The following ITPRID1 variants were observed in gnomAD, a reference collection of about 807,000 sequenced individuals.
The protein encoded by ITPRID1 is ITPR interacting domain containing 1, also known as protein ITPRID1.
In ITPRID1, 96 loss-of-function variants were observed where a neutral mutation model predicts 95.4. The observed-to-expected ratio is 1.01, with a 90% confidence interval of 0.85 to 1.19. ITPRID1 has a LOEUF of 1.19. Among genes scored for constraint, ITPRID1 ranks in the 50% most tolerant of loss-of-function variants. ITPRID1 has a pLI of 0.00. For missense variants in ITPRID1, 1,339 were observed against 1,252.9 expected, an observed-to-expected ratio of 1.07 and a Z score of -1.04; for synonymous variants, 510 against 453.6, an observed-to-expected ratio of 1.12 and a Z score of -1.58.
chr7:31,551,364 A>T (rs1784280351), intron 2 of ITPRID1, among the ~76,000 whole-genome samples: 1 of 143,908 alleles, frequency 6.9e-6, no homozygotes, highest in Non-Finnish European at 1.6e-5. Context: ...ATTCTAGTAT[A>T]CCAAACAATT....
chr7:31,611,959 T>C (rs1234649439), intron 10 of ITPRID1, among the ~76,000 whole-genome samples: 1 of 152,036 alleles, frequency 6.6e-6, no homozygotes, highest in East Asian at 1.9e-4. Context: ...TTTTCTCTTC[T>C]CTTTCTGGGA....
intron 10 of ITPRID1, among the ~76,000 whole-genome samples, chr7:31,626,452 G>A (rs1337748444): frequency 6.6e-6 from 1 of 152,090 alleles, no homozygotes; most frequent in Non-Finnish European, 1.5e-5. Context: ...ATAGAAGTAA[G>A]TTTTCCCACT....
chr7:31,658,163 A>C, downstream of ITPRID1: 13 of 896,490 alleles, frequency 1.5e-5, no homozygotes, highest in Admixed American at 3.0e-5. Flanking sequence ...GTGTATGCAT[A>C]GGCCATGTAG....
Position 31,589,928 on chromosome 7 carries a change from C to G in ITPRID1, c.1228+6737C>G, listed in dbSNP as rs117319929. Reference sequence around the variant, plus strand: ...ATGAACAAAGATACCTACAAGATTTCTACATTTTACATGAAGTGGTACAAT... The same window carrying G: ...ATGAACAAAGATACCTACAAGATTTGTACATTTTACATGAAGTGGTACAAT... On this transcript the variant is annotated intron_variant, in intron 10 of 14. Transcript: ENST00000615280. Among the ~76,000 whole-genome samples the G allele has an allele frequency of 8.4e-3, 1,282 of 152,018 alleles. 10 individuals are homozygous for G. Among genetic ancestry groups the G allele is most frequent in the Non-Finnish European group, 0.011 (775 of 67,980 alleles).
At chr7:31,618,975 G>A (rs572318828) in intron 10 of ITPRID1, among the ~76,000 whole-genome samples, 7 of 152,188 alleles carry the variant, frequency 4.6e-5, no homozygotes, top group Non-Finnish European at 1.0e-4. Context: ...AGGATTCACT[G>A]TGGAAGACCT....
In ITPRID1 at chr7:31,651,968, G is replaced by A. The variant is rs80081783; in HGVS notation, c.2741G>A (p.Arg914His). The A allele has an allele frequency of 9.8e-4, 1,567 of 1,603,210 alleles. 13 individuals carry two copies. The African/African-American group carries it at 0.018, about 19-fold the overall frequency. ...GAGGCCGAGCAACTGCAAACGTTAC[G>A]TGAGGCCCTGAGGCAGCAGGTGGCA... ...REEAEQLQTL[R>H]EALRQQVAEL... is the part of the protein sequence containing the mutation. The change falls in exon 14 of 15, where the codon CGT (arginine) becomes CAT (histidine). Residue 914 changes from arginine (R) to histidine (H), a missense_variant. By Grantham distance (29) the Arg-to-His change is conservative. Transcript: ENST00000615280.
rs148236609 is a variant in ITPRID1 at position 31,651,967 on chromosome 7, C to A, written c.2740C>A (p.Arg914Ser). ...GGAGGCCGAGCAACTGCAAACGTTA[C>A]GTGAGGCCCTGAGGCAGCAGGTGGC... ...REEAEQLQTL[R>S]EALRQQVAEL... is the part of the protein sequence containing the mutation. The change falls in exon 14 of 15, where the codon CGT (arginine) becomes AGT (serine). Residue 914 changes from arginine (R) to serine (S), a missense_variant. Coordinates refer to ENST00000615280, the MANE Select transcript of ITPRID1 (RefSeq NM_001257967.3). The A allele has an allele frequency of 6.9e-6, 11 of 1,602,630 alleles. No individual in the cohort carries two copies. The highest frequency in any genetic ancestry group is 2.2e-5 in the East Asian group (1 of 44,452).
intron 1 of ITPRID1, among the ~76,000 whole-genome samples, chr7:31,515,967 A>G (rs1783028384): frequency 6.6e-6 from 1 of 152,214 alleles, no homozygotes; most frequent in African/African-American, 2.4e-5. Context: ...AACAGGCTAG[A>G]TATTTGTACC....
intron 10 of ITPRID1, among the ~76,000 whole-genome samples, chr7:31,587,625 A>G (rs895736355): frequency 7.3e-5 from 11 of 151,260 alleles, no homozygotes; most frequent in African/African-American, 2.7e-4. Context: ...TCTTCACAGA[A>G]TTGGAAAAAA....
At chr7:31,550,339 C>T (rs903531259) in intron 2 of ITPRID1, among the ~76,000 whole-genome samples, 2 of 151,952 alleles carry the variant, frequency 1.3e-5, no homozygotes, top group South Asian at 4.2e-4. Context: ...ACTGGATTCC[C>T]CAGGCATGGA....
intron 10 of ITPRID1, among the ~76,000 whole-genome samples, chr7:31,633,870 A>G (rs960611792): frequency 1.3e-5 from 2 of 152,138 alleles, no homozygotes; most frequent in Admixed American, 6.6e-5. Flanking sequence ...ATCACACTTG[A>G]CACCCCATCA....
chr7:31,567,613 G>A (rs527898412), intron 5 of ITPRID1, among the ~76,000 whole-genome samples: 1 of 139,082 alleles, frequency 7.2e-6, no homozygotes, highest in African/African-American at 2.7e-5. Context: ...ACGGAGTCTT[G>A]CTCTGTCACC....
At chr7:31,573,247 G>A (rs1349214741) in intron 7 of ITPRID1, among the ~76,000 whole-genome samples, 1 of 152,166 alleles carries the variant, frequency 6.6e-6, no homozygotes, top group Non-Finnish European at 1.5e-5. Context: ...CTCACCACAA[G>A]TGATGTAGTG....
At position 31,599,690 on chromosome 7, in the gene ITPRID1, C is replaced by CTTTCTT. The variant is rs1554290643; in HGVS notation, c.1228+16500_1228+16501insTTCTTT. Among the ~76,000 whole-genome samples the CTTTCTT allele has an allele frequency of 3.2e-3, 336 of 106,656 alleles. 5 individuals carry two copies. Among genetic ancestry groups the CTTTCTT allele is most frequent in the East Asian group, 6.6e-3 (28 of 4,266 alleles). 70.0% of individuals were successfully genotyped at this position (106,656 alleles called of 152,430 possible). A position where few individuals can be genotyped will look rare whatever the true frequency, so the allele number is the denominator to read the frequency against. ...TCTCTCTCTCTCTCTCTCTCTCTCT[C>CTTTCTT]TCTTTCTTTCTTTCTTTCTTTCTCT... On this transcript the variant is annotated intron_variant, in intron 10 of 14. Transcript: ENST00000615280.
rs564755045 is a variant in ITPRID1 at position 31,598,230 on chromosome 7, A to G, written c.1228+15039A>G. ...TTTCTTAAACAGGACACAAAAAAGT[A>G]CACACTCTAAAAAGAAACTGATAAT... On this transcript the variant is annotated intron_variant, in intron 10 of 14. Transcript: ENST00000615280. Among the ~76,000 whole-genome samples the G allele has an allele frequency of 6.6e-5, 10 of 152,250 alleles. No homozygotes were observed. The South Asian group carries it at 2.1e-3, about 32-fold the overall frequency.
At chr7:31,628,489 G>A (rs1039115752) in intron 10 of ITPRID1, among the ~76,000 whole-genome samples, 1 of 146,126 alleles carries the variant, frequency 6.8e-6, no homozygotes. Context: ...GAGGAGTCTC[G>A]CTCTGTCACT....
At position 31,549,460 on chromosome 7, in the gene ITPRID1, GAAGAGAAGGA is replaced by G; in HGVS notation, c.-60_-51del. 1 of 1,521,934 alleles carries G rather than the reference GAAGAGAAGGA, an allele frequency of 6.6e-7. No individual in the cohort carries two copies. The highest frequency in any genetic ancestry group is 8.8e-7 in the Non-Finnish European group (1 of 1,141,390). The allele number at this position is 1,521,934 out of a possible 1,614,324, so 94.3% of individuals were successfully genotyped here. On this transcript the variant is annotated 5_prime_UTR_variant, in exon 2 of 15. Coordinates refer to ENST00000615280, the MANE Select transcript of ITPRID1 (RefSeq NM_001257967.3). ...GGATAAGGACAAGAAGCAACACACAGAAGAGAAGGAAAAAGAAAGAAAACTGACCAATATG... is the reference window on the plus strand; with the variant it reads ...GGATAAGGACAAGAAGCAACACACAGAAAAGAAAGAAAACTGACCAATATG...
chr7:31,528,855 A>C (rs1038423767), intron 1 of ITPRID1, among the ~76,000 whole-genome samples: 1 of 152,170 alleles, frequency 6.6e-6, no homozygotes, highest in Non-Finnish European at 1.5e-5. Flanking sequence ...AAGATCTTTT[A>C]CATCATTTTA....
Position 31,643,964 on chromosome 7 carries a change from A to C in ITPRID1, c.2583+11A>C, listed in dbSNP as rs1790249085. The C allele has an allele frequency of 6.3e-7, 1 of 1,587,490 alleles. No individual in the cohort carries two copies. On this transcript the variant is annotated intron_variant, in intron 12 of 14. Transcript: ENST00000615280. ...AGGGAGCTATGTTCCGTAAGTGTTC[A>C]CCCTGGCAAAGATGGAAAGGCAGAT...
Sources: allele counts gnomAD v4.1 joint callset (sites outside exome capture counted in the v4.1 genomes callset), GRCh38; gene constraint gnomAD v4.1.1; transcripts MANE v1.5; gene names NCBI Gene and HGNC (gene_info 2026-07-23, HGNC 2026-07-21).